The following COL20A1 variants were observed in gnomAD, a reference collection of about 807,000 sequenced individuals.
COL20A1 encodes collagen type XX alpha 1 chain.
In COL20A1, 164 loss-of-function variants were observed where a neutral mutation model predicts 152.9. That is an observed-to-expected ratio of 1.07 (90% CI 0.94 to 1.22). The LOEUF (loss-of-function observed/expected upper bound fraction) is 1.22. Ranked by LOEUF, COL20A1 falls within the 50% of genes most tolerant of loss-of-function variation. The pLI is 0.00. For synonymous variants in COL20A1, 864 were observed against 756.0 expected, an observed-to-expected ratio of 1.14 and a Z score of -2.34; for missense variants, 1,873 against 1,744.8, an observed-to-expected ratio of 1.07 and a Z score of -1.31.
In COL20A1 at chr20:63,295,362, C is replaced by T. The variant is rs531940247; in HGVS notation, c.82+173C>T. ...CAAGACGGGAGGGAGCGTGTGCTCC[C>T]GCCAAACCTTCAGCCTCGCCTTGGG... On this transcript the variant is annotated intron_variant, in intron 2 of 35. Transcript: ENST00000358894. Among the ~76,000 whole-genome samples the T allele has an allele frequency of 1.8e-4, 28 of 152,370 alleles. 1 individual carries two copies. The South Asian group carries it at 5.2e-3, about 28-fold the overall frequency.
intron 27 of COL20A1, among the ~76,000 whole-genome samples, chr20:63,323,404 C>T (rs1449588791): frequency 2.6e-5 from 4 of 152,198 alleles, no homozygotes; most frequent in Non-Finnish European, 4.4e-5. Context: ...AATTTTGTAT[C>T]CTGTTTTAAA....
rs778663615 is a variant in COL20A1 at position 63,305,006 on chromosome 20, G to T, written c.194-411G>T. 2.0e-5 allele frequency among the ~76,000 whole-genome samples: 3 copies of T among 152,128 alleles called. No individual in the cohort carries two copies. The highest frequency in any genetic ancestry group is 7.2e-5 in the African/African-American group (3 of 41,416). On this transcript the variant is annotated intron_variant, in intron 3 of 35. Coordinates refer to ENST00000358894, the MANE Select transcript of COL20A1 (RefSeq NM_020882.4). The surrounding 1 kb of genome is among the most constrained non-coding windows in gnomAD (Gnocchi z 4.9). ...GAAAATACTTGCGGCTGGTCGGTCC[G>T]TGCAGCCCATAGGGTAGGAGCCTGT... is the stretch of plus-strand genomic sequence containing the variant.
rs541875470 is a variant in COL20A1, at chr20:63,305,541, A to T, written c.318A>T (p.Leu106=). The T allele has an allele frequency of 6.2e-7, 1 of 1,601,860 alleles. No individual in the cohort carries two copies. The highest frequency in any genetic ancestry group is 1.1e-5 in the South Asian group (1 of 89,288). ...FELTGSGRFL[L]ARREFVIEDL... Reference sequence around the variant, plus strand: ...TCACTGGCTCTGGGCGCTTCCTGCTAGCTCGGAGGGAGTTTGTGAGTAAGT... The same window carrying T: ...TCACTGGCTCTGGGCGCTTCCTGCTTGCTCGGAGGGAGTTTGTGAGTAAGT... The change falls in exon 4 of 36, where the codon CTA becomes CTT. Residue 106 remains leucine (L), a synonymous_variant. Transcript: ENST00000358894. The surrounding 1 kb of genome is among the most constrained non-coding windows in gnomAD (Gnocchi z 4.9).
chr20:63,319,406 T>A lies in COL20A1; in HGVS notation c.2807-81T>A. ...GGCACCCTCAGGGCTGCTCCTGTCC[T>A]GTCGTGGGGGCCGCCCTGCTCAAGG... On this transcript the variant is annotated intron_variant, in intron 22 of 35. Coordinates refer to ENST00000358894, the MANE Select transcript of COL20A1 (RefSeq NM_020882.4). This position sits in a 1 kb window ranked among gnomAD's most constrained non-coding sequence, Gnocchi z 4.4. 1 of 1,196,364 alleles carries A rather than the reference T, an allele frequency of 8.4e-7. No homozygotes were observed. 74.1% of individuals were successfully genotyped at this position (1,196,364 alleles called of 1,614,324 possible).
chr20:63,314,266 C>A, intron 19 of COL20A1, 65 bp downstream of exon 19: 3 of 1,428,536 alleles, frequency 2.1e-6, no homozygotes, highest in Non-Finnish European at 2.9e-6. Context: ...AGACCCCAGA[C>A]CCTGCCAGCT....
In COL20A1 at chr20:63,326,194, T is replaced by C. The variant is rs777021486; in HGVS notation, c.3456+45T>C. The C allele has an allele frequency of 2.0e-6, 3 of 1,512,036 alleles. No homozygotes were observed. The South Asian group carries it at 3.4e-5, about 17-fold the overall frequency. 93.7% of individuals were successfully genotyped at this position (1,512,036 alleles called of 1,614,324 possible). A position where few individuals can be genotyped will look rare whatever the true frequency, so the allele number is the denominator to read the frequency against. ...GACCCCGACCCCCACCCAGGGTTCC[T>C]GTGTTCCAGGGGTCAGGCAGAGGCC... On this transcript the variant is annotated intron_variant, in intron 30 of 35. Transcript: ENST00000358894.
intron 1 of COL20A1, among the ~76,000 whole-genome samples, chr20:63,293,482 C>G (rs905904421): frequency 1.3e-5 from 2 of 152,198 alleles, no homozygotes; most frequent in Non-Finnish European, 2.9e-5. Flanking sequence ...TGCCTGAGCT[C>G]TCACCAAGGG....
At chr20:63,318,979 C>A in intron 21 of COL20A1, 79 bp from the exon 22 acceptor site, 1 of 1,146,106 alleles carries the variant, frequency 8.7e-7, no homozygotes, top group South Asian at 1.3e-5. Context: ...GGGGCTGGGG[C>A]TGGGCGAGCG....
chr20:63,332,659 C>G lies in COL20A1; in HGVS notation c.*1943C>G, dbSNP rs922956466. The G allele has an allele frequency of 1.3e-5, 2 of 152,278 alleles. No individual in the cohort carries two copies. Among genetic ancestry groups the G allele is most frequent in the African/African-American group, 2.4e-5 (1 of 41,460 alleles). The allele number at this position is 152,278 out of a possible 1,614,324, so 9.4% of individuals were successfully genotyped here. On this transcript the variant is annotated 3_prime_UTR_variant, in exon 36 of 36. Coordinates refer to ENST00000358894, the MANE Select transcript of COL20A1 (RefSeq NM_020882.4). Reference sequence around the variant, plus strand: ...GAACCAGGGTGGCTCTAATCCCCACCACCCCCTCAGCTGCCCTACCCCCGC... The same window carrying G: ...GAACCAGGGTGGCTCTAATCCCCACGACCCCCTCAGCTGCCCTACCCCCGC...
At chr20:63,295,285 T>C (rs2067773084) in intron 2 of COL20A1, 96 bp downstream of exon 2, 2 of 773,564 alleles carry the variant, frequency 2.6e-6, no homozygotes, top group South Asian at 1.7e-5. Flanking sequence ...GAGCCCCGTC[T>C]TCCTCCTAAG....
chr20:63,317,415 G>C (rs1173269433), intron 21 of COL20A1, among the ~76,000 whole-genome samples: 1 of 149,562 alleles, frequency 6.7e-6, no homozygotes, highest in African/African-American at 2.5e-5. Context: ...AGTGAGCCAG[G>C]ATTGTGCCAC....
intron 25 of COL20A1, 145 bp downstream of exon 25, chr20:63,320,513 AG>A: frequency 1.2e-6 from 1 of 813,096 alleles, no homozygotes; most frequent in Non-Finnish European, 2.0e-6. Flanking sequence ...AGGCAGCCTC[AG>A]GGCCAGTGGA....
chr20:63,306,107 CCAT>C lies in COL20A1; in HGVS notation c.496+69_496+71del. Reference sequence around the variant, plus strand: ...GACCTTTGGTTTCCCACATTTCCCACCATGAGGCCAGGAAGTTCTTCCTCGTGT... The same window carrying C: ...GACCTTTGGTTTCCCACATTTCCCACGAGGCCAGGAAGTTCTTCCTCGTGT... On this transcript the variant is annotated intron_variant, in intron 5 of 35. Transcript: ENST00000358894. This position sits in a 1 kb window ranked among gnomAD's most constrained non-coding sequence, Gnocchi z 6.9. The C allele has an allele frequency of 7.1e-7, 1 of 1,403,244 alleles. No individual in the cohort carries two copies. The highest frequency in any genetic ancestry group is 9.7e-7 in the Non-Finnish European group (1 of 1,032,288). The allele number at this position is 1,403,244 out of a possible 1,614,324, so 86.9% of individuals were successfully genotyped here. A position where few individuals can be genotyped will look rare whatever the true frequency, so the allele number is the denominator to read the frequency against.
At chr20:63,322,468 G>A (rs940992084) in intron 27 of COL20A1, among the ~76,000 whole-genome samples, 2 of 152,214 alleles carry the variant, frequency 1.3e-5, no homozygotes, top group Non-Finnish European at 2.9e-5. Context: ...TTTCCATGGG[G>A]CAGGCATGAG....
chr20:63,321,549 C>T (rs951189944), intron 26 of COL20A1, among the ~76,000 whole-genome samples: 1 of 152,320 alleles, frequency 6.6e-6, no homozygotes, highest in Non-Finnish European at 1.5e-5. Context: ...TGAGTCACAG[C>T]CACTTGGACG....
intron 21 of COL20A1, 70 bp downstream of exon 21, chr20:63,316,761 TGGGG>T: frequency 1.1e-6 from 1 of 931,732 alleles, no homozygotes; most frequent in Non-Finnish European, 1.5e-6. Context: ...GAGGACATGG[TGGGG>T]GGGCGGGCAT....
intron 31 of COL20A1, 47 bp downstream of exon 31, chr20:63,326,870 G>A (rs376468565): frequency 3.0e-5 from 41 of 1,372,016 alleles, no homozygotes; most frequent in South Asian, 1.2e-4. Context: ...GTGGGGGAGC[G>A]AAGGGTGCAA....
At chr20:63,318,641 G>A (rs867378815) in intron 21 of COL20A1, among the ~76,000 whole-genome samples, 2 of 152,134 alleles carry the variant, frequency 1.3e-5, no homozygotes, top group South Asian at 2.1e-4. Context: ...TCACCCTCAC[G>A]GGCCCCGGGA....
chr20:63,317,236 A>G (rs1326106958), intron 21 of COL20A1, among the ~76,000 whole-genome samples: 1 of 152,184 alleles, frequency 6.6e-6, no homozygotes, highest in African/African-American at 2.4e-5. Flanking sequence ...AGTCCCAGCT[A>G]CTGGGGAGGC....
Sources: allele counts gnomAD v4.1 joint callset (sites outside exome capture counted in the v4.1 genomes callset), GRCh38; gene constraint gnomAD v4.1.1; non-coding constraint Gnocchi (gnomAD v3.1); transcripts MANE v1.5; gene names NCBI Gene and HGNC (gene_info 2026-07-23, HGNC 2026-07-21).